FAM227B: variants seen among roughly 807,000 people sequenced by gnomAD.
FAM227B encodes family with sequence similarity 227 member B, also known as protein FAM227B.
FAM227B carries 88 observed loss-of-function variants against 73.8 expected under a neutral mutation model. The observed-to-expected ratio is 1.19, with a 90% CI of 1.00 to 1.42. The LOEUF is 1.42. Among genes scored for constraint, FAM227B ranks in the 40% most tolerant of loss-of-function variants. The pLI is 0.00. For missense variants in FAM227B, 632 were observed against 590.9 expected, an observed-to-expected ratio of 1.07 and a Z score of -0.72; for synonymous variants, 210 against 190.5, an observed-to-expected ratio of 1.10 and a Z score of -0.84.
At chr15:49,489,863 TATATATATATATATATATATAGAGAGAG>T (rs1567382997) in intron 11 of FAM227B, among the ~76,000 whole-genome samples, 493 of 10,502 alleles carry the variant, frequency 0.047, 66 homozygotes, top group Admixed American at 0.096. Context: ...ATATATTTTA[TATATATATATATATATATATAGAGAGAG>T]AGAGAGAGAG....
In FAM227B at chr15:49,355,353, C is replaced by A. The variant is rs1596458243; in HGVS notation, c.1271+12095G>T. ...GTTGAAAACTTTGAAAAAAATTTAG[C>A]AGTATGTATAACTAGAATAACCAAT... is the stretch of plus-strand genomic sequence containing the variant. On this transcript the variant is annotated intron_variant, in intron 13 of 15. Transcript: ENST00000299338. Among the ~76,000 whole-genome samples, 6 of 152,194 alleles carry A rather than the reference C, an allele frequency of 3.9e-5. No individual in the cohort carries two copies. The South Asian group carries it at 6.2e-4, about 16-fold the overall frequency.
chr15:49,481,080 A>G (rs1029283607), intron 11 of FAM227B, among the ~76,000 whole-genome samples: 8 of 152,208 alleles, frequency 5.3e-5, no homozygotes, highest in African/African-American at 1.9e-4. Context: ...TATATTAAAT[A>G]AAGGGAGGAA....
intron 13 of FAM227B, among the ~76,000 whole-genome samples, chr15:49,347,707 A>G (rs186747652): frequency 3.5e-4 from 53 of 152,312 alleles, no homozygotes; most frequent in Admixed American, 2.9e-3. Flanking sequence ...ATAACCTTCA[A>G]TGAAAACTTC....
chr15:49,362,446 A>G (rs1174170166), intron 13 of FAM227B, among the ~76,000 whole-genome samples: 4 of 152,112 alleles, frequency 2.6e-5, no homozygotes, highest in Non-Finnish European at 5.9e-5. Context: ...TCTTTTCTTC[A>G]TAAATTATCC....
intron 8 of FAM227B, among the ~76,000 whole-genome samples, chr15:49,573,550 G>A (rs1478266987): frequency 6.6e-6 from 1 of 152,166 alleles, no homozygotes; most frequent in Admixed American, 6.5e-5. Context: ...CATTATCACA[G>A]AAGTGGGTTT....
At chr15:49,394,836 T>A (rs1458411896) in intron 11 of FAM227B, among the ~76,000 whole-genome samples, 1 of 152,186 alleles carries the variant, frequency 6.6e-6, no homozygotes, top group Non-Finnish European at 1.5e-5. Flanking sequence ...AAAATGTTTG[T>A]AATTGTTCCA....
chr15:49,496,162 T>C (rs2057588456), intron 11 of FAM227B, among the ~76,000 whole-genome samples: 1 of 152,202 alleles, frequency 6.6e-6, no homozygotes, highest in Non-Finnish European at 1.5e-5. Flanking sequence ...CTAGTACTTG[T>C]GTATGAGTAA....
chr15:49,493,369 T>G (rs2057288875), intron 11 of FAM227B, among the ~76,000 whole-genome samples: 1 of 151,982 alleles, frequency 6.6e-6, no homozygotes, highest in Admixed American at 6.6e-5. Flanking sequence ...CTCCTCACTG[T>G]TCACAAACTT....
intron 3 of FAM227B, among the ~76,000 whole-genome samples, chr15:49,596,412 G>A (rs1288003627): frequency 1.3e-5 from 2 of 151,270 alleles, no homozygotes; most frequent in Non-Finnish European, 3.0e-5. Context: ...AACAAATGAT[G>A]AGAGAGAGAC....
chr15:49,511,585 G>C (rs2059003205), intron 10 of FAM227B, among the ~76,000 whole-genome samples: 1 of 152,056 alleles, frequency 6.6e-6, no homozygotes, highest in South Asian at 2.1e-4. Context: ...GCAACCATTA[G>C]CTATTCTTCC....
intron 11 of FAM227B, among the ~76,000 whole-genome samples, chr15:49,458,533 A>G (rs1268206452): frequency 6.6e-6 from 1 of 152,080 alleles, no homozygotes; most frequent in East Asian, 1.9e-4. Context: ...GATAATACTC[A>G]CTAGAAGAAA....
chr15:49,393,366 G>T lies in FAM227B; in HGVS notation c.1013-21967C>A, dbSNP rs567538376. 9.1e-4 allele frequency among the ~76,000 whole-genome samples: 139 copies of T among 152,234 alleles called. 5 individuals are homozygous for T. The South Asian group carries it at 0.028, about 30-fold the overall frequency. On this transcript the variant is annotated intron_variant, in intron 11 of 15. Transcript: ENST00000299338. ...AAATGCTAGCAGAAGTCTTAATGAC[G>T]TAGTGTCAGTTCCCTACCCTTTCAC...
At chr15:49,445,453 A>G (rs1597240073) in intron 11 of FAM227B, among the ~76,000 whole-genome samples, 1 of 151,722 alleles carries the variant, frequency 6.6e-6, no homozygotes, top group South Asian at 2.1e-4. Context: ...TTGAAATGTA[A>G]GTTTTCTATT....
intron 13 of FAM227B, among the ~76,000 whole-genome samples, chr15:49,364,595 C>A (rs2044799267): frequency 6.6e-6 from 1 of 152,004 alleles, no homozygotes; most frequent in Non-Finnish European, 1.5e-5. Flanking sequence ...TTTAAAAAAA[C>A]ATACTACAAA....
chr15:49,410,740 T>TA (rs1487669256), intron 11 of FAM227B, among the ~76,000 whole-genome samples: 1 of 152,128 alleles, frequency 6.6e-6, no homozygotes, highest in Non-Finnish European at 1.5e-5. Context: ...GATAAAAGTT[T>TA]AAATTACCAG....
rs182542642 is a variant in FAM227B, at chr15:49,606,015, A to G, written c.105+5200T>C. 2.0e-5 allele frequency: 3 copies of G among 152,420 alleles called. No individual in the cohort carries two copies. The East Asian group carries it at 5.8e-4, about 29-fold the overall frequency. 9.4% of individuals were successfully genotyped at this position (152,420 alleles called of 1,614,324 possible). A position where few individuals can be genotyped will look rare whatever the true frequency, so the allele number is the denominator to read the frequency against. ...CACTTCATTCTCCTTTCCCTTTCCC[A>G]CATGAAAGGTATCTCTCTCCACACT... On this transcript the variant is annotated intron_variant, in intron 3 of 15. Transcript: ENST00000299338.
intron 14 of FAM227B, among the ~76,000 whole-genome samples, chr15:49,334,629 G>T (rs1332503651): frequency 6.6e-6 from 1 of 152,210 alleles, no homozygotes; most frequent in Admixed American, 6.5e-5. Context: ...GTCTGTGGGT[G>T]GGTGGGCAGG....
At chr15:49,506,975 CT>C (rs2058629549) in intron 11 of FAM227B, among the ~76,000 whole-genome samples, 1 of 152,004 alleles carries the variant, frequency 6.6e-6, no homozygotes. Context: ...TCACAAAATA[CT>C]CTCAATTTAG....
At chr15:49,504,425 TA>T (rs35119908) in intron 11 of FAM227B, among the ~76,000 whole-genome samples, 10 of 147,764 alleles carry the variant, frequency 6.8e-5, no homozygotes, top group Admixed American at 2.0e-4. Flanking sequence ...TAAAGTATAA[TA>T]AAAAAAAAGA....
Sources: gnomAD v4.1 joint callset for allele counts (sites outside exome capture counted in the v4.1 genomes callset) on GRCh38, gnomAD v4.1.1 for gene constraint, MANE v1.5 for transcripts, NCBI Gene and HGNC (gene_info 2026-07-23, HGNC 2026-07-21) for gene names.